MBOAT7: variants seen among roughly 807,000 people sequenced by gnomAD.
The protein encoded by MBOAT7 is membrane-bound acylglycerophosphatidylinositol O-acyltransferase MBOAT7.
In MBOAT7, 40 loss-of-function variants were observed where a neutral mutation model predicts 47.4. The ratio of observed to expected loss-of-function variants is 0.84; its 90% CI spans 0.66 to 1.10. The LOEUF (loss-of-function observed/expected upper bound fraction) is 1.10, where lower values mean the gene tolerates loss of function less well. Among genes scored for constraint, MBOAT7 ranks in the 50% least tolerant of loss-of-function variants. MBOAT7 has a pLI of 0.00. For synonymous variants in MBOAT7, 361 were observed against 292.0 expected (o/e 1.24, Z -2.41); for missense variants, 680 against 655.6 (o/e 1.04, Z -0.41).
chr19:54,175,442 C>T (rs1369905347), intron 7 of MBOAT7, among the ~76,000 whole-genome samples: 3 of 152,188 alleles, frequency 2.0e-5, no homozygotes, highest in Admixed American at 1.3e-4. Flanking sequence ...ACTCTGATGC[C>T]TGTTAACATT....
At position 54,187,185 on chromosome 19, in the gene MBOAT7, G is replaced by A. The variant is rs111375031; in HGVS notation, c.309C>T (p.Ala103=). ...CCTTCAGCGTCAGCAGCAGCTGGAC[G>A]GCATTGGTGAAGGGCGTGGGAGTGG... ...GLPTPTPFTN[A]VQLLLTLKLV... The change falls in exon 4 of 8, where the codon GCC becomes GCT. Residue 103 remains alanine (A), a synonymous_variant. Coordinates refer to ENST00000245615, the MANE Select transcript of MBOAT7 (RefSeq NM_024298.5). The A allele has an allele frequency of 4.0e-5, 64 of 1,585,338 alleles. 2 individuals carry two copies. The highest frequency in any genetic ancestry group is 2.7e-4 in the African/African-American group (20 of 74,590).
chr19:54,177,913 T>TG (rs2076156071), intron 7 of MBOAT7, among the ~76,000 whole-genome samples: 9 of 67,370 alleles, frequency 1.3e-4, no homozygotes, highest in African/African-American at 4.1e-4. Context: ...TTTTTTTTTT[T>TG]TTTTTTTTTT....
In MBOAT7 at chr19:54,175,251, C is replaced by T. The variant is rs144674951; in HGVS notation, c.1032-820G>A. Reference sequence around the variant, plus strand: ...CCTTGGCCTCCCAAAGTGCTGGGATCACAGGTGTCAGACACCACACCCGGG... The same window carrying T: ...CCTTGGCCTCCCAAAGTGCTGGGATTACAGGTGTCAGACACCACACCCGGG... On this transcript the variant is annotated intron_variant, in intron 7 of 7. Coordinates refer to ENST00000245615, the MANE Select transcript of MBOAT7 (RefSeq NM_024298.5). 3.5e-3 allele frequency among the ~76,000 whole-genome samples: 531 copies of T among 152,242 alleles called. 4 individuals carry two copies. Among genetic ancestry groups the T allele is most frequent in the East Asian group, 0.017 (88 of 5,164 alleles).
chr19:54,176,506 C>G (rs775568952), intron 7 of MBOAT7, among the ~76,000 whole-genome samples: 2 of 151,688 alleles, frequency 1.3e-5, no homozygotes, highest in Admixed American at 6.6e-5. Flanking sequence ...TGCAGTGAGC[C>G]GAGATCACGC....
At position 54,174,097 on chromosome 19, in the gene MBOAT7, T is replaced by C. The variant is rs774928119; in HGVS notation, c.1366A>G (p.Lys456Glu). The change falls in exon 8 of 8, where the codon AAG becomes GAG. Residue 456 changes from lysine to glutamate, a missense_variant. Physicochemically the swap from Lys to Glu is moderately conservative, Grantham distance 56 (BLOSUM62 1). Coordinates refer to ENST00000245615, the MANE Select transcript of MBOAT7 (RefSeq NM_024298.5). ...ALGGGSPSRR[K>E]AASQPTSLAP... ...AGGCTGGTGGGCTGGGATGCTGCCTTCCGCCGGCTGGGGCTGCCCCCACCT... is the reference window on the plus strand; with the variant it reads ...AGGCTGGTGGGCTGGGATGCTGCCTCCCGCCGGCTGGGGCTGCCCCCACCT... 19 of 1,607,138 alleles carry C rather than the reference T, an allele frequency of 1.2e-5. No individual in the cohort carries two copies. In the Admixed American group the frequency reaches 3.0e-4, roughly 26 times the overall value.
chr19:54,189,329 C>G lies in MBOAT7; in HGVS notation c.-4+9G>C, dbSNP rs967893389. ...CGCCTCGCCACTGGGCGCCGCCACC[C>G]TGGCCCACCTGAGCTGCTCGCCGGG... is the stretch of plus-strand genomic sequence containing the variant. On this transcript the variant is annotated intron_variant, in intron 1 of 7. Coordinates refer to ENST00000245615, the MANE Select transcript of MBOAT7 (RefSeq NM_024298.5). 6.5e-6 allele frequency: 1 copy of G among 152,688 alleles called. No homozygotes were observed. The highest frequency in any genetic ancestry group is 1.5e-5 in the Non-Finnish European group (1 of 68,472). 9.5% of individuals were successfully genotyped at this position (152,688 alleles called of 1,614,324 possible). A position where few individuals can be genotyped will look rare whatever the true frequency, so the allele number is the denominator to read the frequency against.
chr19:54,179,860 C>T (rs998054086), intron 6 of MBOAT7: 2 of 152,158 alleles, frequency 1.3e-5, no homozygotes, highest in African/African-American at 4.8e-5. Context: ...GGCTGTTCCC[C>T]CAGCCGCAGT....
chr19:54,185,701 CT>C (rs146960782), intron 4 of MBOAT7, among the ~76,000 whole-genome samples: 25 of 148,928 alleles, frequency 1.7e-4, no homozygotes, highest in East Asian at 3.9e-4. Flanking sequence ...CTTTTCTTTT[CT>C]TTTTTTTTTG....
chr19:54,183,996 C>G (rs1224268844), intron 4 of MBOAT7, among the ~76,000 whole-genome samples: 2 of 152,070 alleles, frequency 1.3e-5, no homozygotes, highest in Non-Finnish European at 2.9e-5. Context: ...GGCATTTATA[C>G]TCGGATGTCT....
intron 7 of MBOAT7, among the ~76,000 whole-genome samples, chr19:54,177,257 A>T (rs2076134018): frequency 6.6e-6 from 1 of 151,952 alleles, no homozygotes; most frequent in Non-Finnish European, 1.5e-5. Flanking sequence ...AATTAAATTA[A>T]ATTAAATTAA....
chr19:54,186,211 C>A (rs181652413), intron 4 of MBOAT7, among the ~76,000 whole-genome samples: 6 of 151,614 alleles, frequency 4.0e-5, no homozygotes, highest in African/African-American at 1.5e-4. Context: ...GACAGGGTTT[C>A]TCCATTTTGG....
At position 54,180,488 on chromosome 19, in the gene MBOAT7, G is replaced by A. The variant is rs1020919036; in HGVS notation, c.854+285C>T. On this transcript the variant is annotated intron_variant, in intron 6 of 7. Transcript: ENST00000245615. The surrounding 1 kb of genome is among the most constrained non-coding windows in gnomAD (Gnocchi z 5.2). ...GGGTGACACTTCTGTGGCAACAGAG[G>A]GGTGGCACAGGGTTGCTAAGTTACC... 1 of 389,350 alleles carries A rather than the reference G, an allele frequency of 2.6e-6. No individual in the cohort carries two copies. The highest frequency in any genetic ancestry group is 2.1e-5 in the African/African-American group (1 of 47,808). The allele number at this position is 389,350 out of a possible 1,614,324, so 24.1% of individuals were successfully genotyped here. A position where few individuals can be genotyped will look rare whatever the true frequency, so the allele number is the denominator to read the frequency against.
In MBOAT7 at chr19:54,174,031, GC is replaced by G; in HGVS notation, c.*12del. 4 of 1,558,448 alleles carry G rather than the reference GC, an allele frequency of 2.6e-6. No individual in the cohort carries two copies. The highest frequency in any genetic ancestry group is 3.5e-6 in the Non-Finnish European group (4 of 1,157,752). ...TTCCCGGGACCAGCTGGCAGAGGGA[GC>G]GTCGTGACAGCTTACTCCTCCCGGA... On this transcript the variant is annotated 3_prime_UTR_variant, in exon 8 of 8. Transcript: ENST00000245615.
chr19:54,181,265 A>G, intron 5 of MBOAT7, 132 bp from the exon 6 acceptor site: 2 of 1,139,326 alleles, frequency 1.8e-6, no homozygotes, highest in Non-Finnish European at 2.4e-6. Context: ...GGCGCCGGGG[A>G]GACCCCAAGG....
Position 54,178,788 on chromosome 19 carries a change from T to G in MBOAT7, c.1008A>C (p.Ala336=). 6.2e-7 allele frequency: 1 copy of G among 1,613,344 alleles called. No individual in the cohort carries two copies. Among genetic ancestry groups the G allele is most frequent in the Non-Finnish European group, 8.5e-7 (1 of 1,180,008 alleles). The change falls in exon 7 of 8, where the codon GCA becomes GCC. Residue 336 remains alanine, a synonymous_variant. Coordinates refer to ENST00000245615, the MANE Select transcript of MBOAT7 (RefSeq NM_024298.5). ...ACCGCAGGACATAGGAACGGGCAGG[T>G]GCGCTCTTGTAGATATACTGCGCCA... ...WWLAQYIYKS[A]PARSYVLRSA...
intron 1 of MBOAT7, among the ~76,000 whole-genome samples, chr19:54,188,910 T>A (rs1405810358): frequency 6.6e-6 from 1 of 150,872 alleles, no homozygotes; most frequent in Non-Finnish European, 1.5e-5. Context: ...CCCGGACCCT[T>A]CCTCTTCGAC....
At chr19:54,184,614 T>A (rs2076379716) in intron 4 of MBOAT7, among the ~76,000 whole-genome samples, 1 of 151,792 alleles carries the variant, frequency 6.6e-6, no homozygotes, top group African/African-American at 2.4e-5. Context: ...TTAAAAAAAA[T>A]AATTTTGGCC....
intron 3 of MBOAT7, among the ~76,000 whole-genome samples, 167 bp downstream of exon 3, chr19:54,188,050 A>AAGGAAGGAAGGAAGG (rs2076494871): frequency 3.5e-5 from 2 of 57,416 alleles, no homozygotes; most frequent in African/African-American, 8.7e-5. Context: ...AGAAAGAAAG[A>AAGGAAGGAAGGAAGG]AAGAAAGAAA....
intron 7 of MBOAT7, among the ~76,000 whole-genome samples, chr19:54,177,563 G>A (rs1328873575): frequency 3.3e-5 from 5 of 151,706 alleles, no homozygotes; most frequent in Admixed American, 3.3e-4. Context: ...CCAAATTGCT[G>A]GGATTATAGG....
Sources: allele counts gnomAD v4.1 joint callset (sites outside exome capture counted in the v4.1 genomes callset), GRCh38; gene constraint gnomAD v4.1.1; non-coding constraint Gnocchi (gnomAD v3.1); transcripts MANE v1.5; gene names NCBI Gene and HGNC (gene_info 2026-07-23, HGNC 2026-07-21).